Variants in DOCK10 observed in about 807,000 individuals in gnomAD.
DOCK10 encodes the protein dedicator of cytokinesis 10.
In DOCK10, 145 loss-of-function variants were observed where a neutral mutation model predicts 280.1. The observed-to-expected ratio is 0.52, with a 90% confidence interval of 0.45 to 0.59. DOCK10 has a LOEUF of 0.59. Ranked by LOEUF, DOCK10 falls within the 20% of genes least tolerant of loss-of-function variation. DOCK10 has a pLI of 0.00. For missense variants in DOCK10, 2,368 were observed against 2,651.7 expected (o/e 0.89, Z 2.35); for synonymous variants, 915 against 942.2 (o/e 0.97, Z 0.53).
intron 1 of DOCK10, among the ~76,000 whole-genome samples, chr2:224,953,814 G>T (rs929904701): frequency 5.3e-5 from 8 of 152,156 alleles, no homozygotes; most frequent in Non-Finnish European, 8.8e-5. Flanking sequence ...ACAGTATTTA[G>T]AAATTTCTTG....
intron 1 of DOCK10, among the ~76,000 whole-genome samples, chr2:225,011,256 G>T (rs548531056): frequency 6.6e-6 from 1 of 152,274 alleles, no homozygotes; most frequent in African/African-American, 2.4e-5. Flanking sequence ...CGGCTTTTCA[G>T]GTAGGTAGAT....
At chr2:225,017,110 C>A (rs1261948421) in intron 1 of DOCK10, among the ~76,000 whole-genome samples, 60 of 138,214 alleles carry the variant, frequency 4.3e-4, no homozygotes, top group South Asian at 6.7e-4. Flanking sequence ...AAAATTAAAC[C>A]AAAAAAAAAA....
chr2:224,877,360 T>G (rs139727617), intron 7 of DOCK10, among the ~76,000 whole-genome samples: 14 of 149,094 alleles, frequency 9.4e-5, no homozygotes, highest in African/African-American at 3.2e-4. Flanking sequence ...CATGTAATAG[T>G]ACGGACACTT....
chr2:224,788,031 A>G (rs1171477454), intron 48 of DOCK10, among the ~76,000 whole-genome samples: 1 of 152,096 alleles, frequency 6.6e-6, no homozygotes, highest in Non-Finnish European at 1.5e-5. Flanking sequence ...AAGACTCAGC[A>G]CAAAAAAAAA....
intron 46 of DOCK10, 28 bp from the exon 47 acceptor site, chr2:224,793,100 C>T: frequency 1.4e-6 from 2 of 1,467,696 alleles, no homozygotes; most frequent in Non-Finnish European, 1.9e-6. Context: ...GAGGTTAGGA[C>T]ATTGCTACAT....
chr2:224,892,638 G>A (rs1699763088), intron 4 of DOCK10, among the ~76,000 whole-genome samples: 1 of 152,148 alleles, frequency 6.6e-6, no homozygotes. Context: ...CAAGAGTACA[G>A]GTTCTGAGGA....
chr2:224,874,680 CG>C lies in DOCK10; in HGVS notation c.1002del (p.His334GlnfsTer15), dbSNP rs1252590858. The C allele has an allele frequency of 6.2e-7, 1 of 1,613,646 alleles. No homozygotes were observed. Among genetic ancestry groups the C allele is most frequent in the Non-Finnish European group, 8.5e-7 (1 of 1,179,740 alleles). On this transcript the variant is annotated frameshift_variant, in exon 9 of 56. Coordinates refer to ENST00000258390, the MANE Select transcript of DOCK10 (RefSeq NM_014689.3). LOFTEE classifies it high-confidence loss of function. ...AACTTTATTACCTTTGCAAAGTCTGCGTGTAGGTTGTTCTCTGAAGAATCTG... is the reference window on the plus strand; with the variant it reads ...AACTTTATTACCTTTGCAAAGTCTGCTGTAGGTTGTTCTCTGAAGAATCTG... The part of the protein sequence containing the change: ...EETDSSENNL[H>X]ADFAKYLTET...
At chr2:224,878,404 G>T (rs958926144) in intron 7 of DOCK10, among the ~76,000 whole-genome samples, 7 of 152,212 alleles carry the variant, frequency 4.6e-5, no homozygotes, top group Non-Finnish European at 8.8e-5. Flanking sequence ...AAATGGTAGA[G>T]AAGGGAAAAT....
At chr2:225,027,088 G>C (rs1689939679) in intron 1 of DOCK10, among the ~76,000 whole-genome samples, 1 of 152,178 alleles carries the variant, frequency 6.6e-6, no homozygotes, top group African/African-American at 2.4e-5. Context: ...CACAGTACTA[G>C]GGAATATATG....
chr2:224,782,953 C>T (rs563194419), intron 50 of DOCK10, among the ~76,000 whole-genome samples: 4 of 152,294 alleles, frequency 2.6e-5, no homozygotes, highest in African/African-American at 7.2e-5. Context: ...CTTAAATCTT[C>T]GGAACCTTCA....
chr2:224,845,922 C>A (rs554104280), intron 19 of DOCK10, among the ~76,000 whole-genome samples: 1 of 152,228 alleles, frequency 6.6e-6, no homozygotes, highest in South Asian at 2.1e-4. Flanking sequence ...CGGGGTTTCA[C>A]CATGTTGGCC....
chr2:224,897,006 C>G (rs571634261), intron 3 of DOCK10, among the ~76,000 whole-genome samples: 1 of 152,168 alleles, frequency 6.6e-6, no homozygotes, highest in African/African-American at 2.4e-5. Context: ...ACCTCAAGAA[C>G]CATCATTTTT....
At chr2:224,982,253 A>C in intron 1 of DOCK10, 1 of 1,231,984 alleles carries the variant, frequency 8.1e-7, no homozygotes, top group South Asian at 4.1e-5. Context: ...GTCACTTTCC[A>C]GAGGCAAAAT....
intron 1 of DOCK10, among the ~76,000 whole-genome samples, chr2:224,961,450 C>CT (rs1331902150): frequency 7.6e-6 from 1 of 131,002 alleles, no homozygotes; most frequent in Non-Finnish European, 1.6e-5. Context: ...TTCTTTCTTT[C>CT]TTTCTTTCTT....
chr2:224,905,234 ATTTTTTTTTTTTT>A (rs201582173), intron 3 of DOCK10, among the ~76,000 whole-genome samples: 16,808 of 111,994 alleles, frequency 0.15, 1,132 homozygotes, highest in Non-Finnish European at 0.16. Context: ...CTATGGAACT[ATTTTTTTTTTTTT>A]TTTTTTTTTT....
intron 50 of DOCK10, among the ~76,000 whole-genome samples, chr2:224,779,088 G>T (rs1028776887): frequency 6.6e-6 from 1 of 152,174 alleles, no homozygotes; most frequent in South Asian, 2.1e-4. Flanking sequence ...TCTATTAGCT[G>T]CAGATAACTA....
At chr2:224,930,571 G>GA (rs5839080) in intron 2 of DOCK10, among the ~76,000 whole-genome samples, 1,708 of 146,896 alleles carry the variant, frequency 0.012, 35 homozygotes, top group East Asian at 0.057. Context: ...GGAGGAAGGT[G>GA]AAAAAAAAAA....
At chr2:224,937,091 A>G (rs1160259931) in intron 1 of DOCK10, among the ~76,000 whole-genome samples, 4 of 152,204 alleles carry the variant, frequency 2.6e-5, no homozygotes, top group South Asian at 2.1e-4. Flanking sequence ...GGCAATTAGC[A>G]ATTTAATAAC....
intron 14 of DOCK10, 117 bp from the exon 15 acceptor site, chr2:224,857,099 TAAAATA>T: frequency 1.1e-6 from 1 of 903,258 alleles, no homozygotes; most frequent in Non-Finnish European, 1.5e-6. Flanking sequence ...TAAGAACTTA[TAAAATA>T]AAAAGACCAA....
Sources: gnomAD v4.1 joint callset for allele counts (sites outside exome capture counted in the v4.1 genomes callset) on GRCh38, gnomAD v4.1.1 for gene constraint, MANE v1.5 for transcripts, NCBI Gene and HGNC (gene_info 2026-07-23, HGNC 2026-07-21) for gene names.